Variants in NPTN observed in about 807,000 individuals in gnomAD.
The protein encoded by NPTN is SDR-1.
In NPTN, 5 loss-of-function variants were observed where a neutral mutation model predicts 42.7. The ratio of observed to expected loss-of-function variants is 0.12; its 90% CI spans 0.06 to 0.25. The LOEUF (loss-of-function observed/expected upper bound fraction) is 0.25, where lower values mean the gene tolerates loss of function less well. NPTN is among the 10% of genes least tolerant of loss of function. NPTN has a pLI of 1.00. For synonymous variants in NPTN, 180 were observed against 201.9 expected (o/e 0.89, Z 0.92); for missense variants, 307 against 525.4 (o/e 0.58, Z 4.06).
chr15:73,571,538 A>G (rs879332233), intron 5 of NPTN, among the ~76,000 whole-genome samples: 1 of 152,198 alleles, frequency 6.6e-6, no homozygotes, highest in Non-Finnish European at 1.5e-5. Context: ...AGCTTCACAC[A>G]TGAGCTAACA....
At chr15:73,582,156 A>C (rs1329332496) in intron 4 of NPTN, among the ~76,000 whole-genome samples, 1 of 152,140 alleles carries the variant, frequency 6.6e-6, no homozygotes, top group Non-Finnish European at 1.5e-5. Flanking sequence ...TCACTTTTTA[A>C]AGCATGTTCA....
intron 1 of NPTN, among the ~76,000 whole-genome samples, chr15:73,627,777 T>C (rs1314137132): frequency 6.6e-6 from 1 of 152,350 alleles, no homozygotes; most frequent in East Asian, 1.9e-4. Flanking sequence ...CTAAACTGAA[T>C]AGATCCTTAA....
At chr15:73,581,117 T>A (rs1445183621) in intron 4 of NPTN, among the ~76,000 whole-genome samples, 1 of 152,214 alleles carries the variant, frequency 6.6e-6, no homozygotes, top group African/African-American at 2.4e-5. Context: ...GATTACTATG[T>A]GCTCTCCCCA....
At chr15:73,612,515 C>A (rs991100668) in intron 1 of NPTN, among the ~76,000 whole-genome samples, 3 of 151,890 alleles carry the variant, frequency 2.0e-5, no homozygotes, top group African/African-American at 7.3e-5. Flanking sequence ...TGCCTATAAT[C>A]CCAGCACTTT....
intron 2 of NPTN, among the ~76,000 whole-genome samples, chr15:73,595,484 T>C (rs1203424392): frequency 6.6e-6 from 1 of 152,220 alleles, no homozygotes; most frequent in Non-Finnish European, 1.5e-5. Flanking sequence ...AAGGACTCTT[T>C]TTTTACCCAT....
intron 6 of NPTN, chr15:73,567,505 C>T (rs1349519207): frequency 5.1e-5 from 50 of 985,332 alleles, no homozygotes; most frequent in Non-Finnish European, 5.9e-5. Context: ...GGGAGAAGCA[C>T]ATGGGAAGGA....
chr15:73,567,966 G>T, intron 6 of NPTN: 1 of 985,440 alleles, frequency 1.0e-6, no homozygotes, highest in Non-Finnish European at 1.2e-6. Flanking sequence ...TCTCTTTTAA[G>T]GGTAGGATTC....
chr15:73,626,453 C>G (rs1898415088), intron 1 of NPTN, among the ~76,000 whole-genome samples: 1 of 152,184 alleles, frequency 6.6e-6, no homozygotes, highest in Non-Finnish European at 1.5e-5. Context: ...ATCTCTGAGC[C>G]TTTAACCTAT....
rs1012816794 is a variant in NPTN at position 73,570,807 on chromosome 15, CCTCT to C, written c.841-388_841-385del. Among the ~76,000 whole-genome samples, 1 of 152,176 alleles carries C rather than the reference CCTCT, an allele frequency of 6.6e-6. No individual in the cohort carries two copies. Among genetic ancestry groups the C allele is most frequent in the African/African-American group, 2.4e-5 (1 of 41,442 alleles). ...TCAGGCATGCCTCGGGGACCTCAGG[CCTCT>C]CTGATGACCTCAGAGTCAGCACACT... is the stretch of plus-strand genomic sequence containing the variant. On this transcript the variant is annotated intron_variant, in intron 5 of 8. Transcript: ENST00000345330. The surrounding 1 kb of genome is among the most constrained non-coding windows in gnomAD (Gnocchi z 4.0).
intron 1 of NPTN, among the ~76,000 whole-genome samples, chr15:73,601,016 G>C (rs1037293535): frequency 1.8e-4 from 28 of 152,272 alleles, no homozygotes; most frequent in African/African-American, 6.3e-4. Flanking sequence ...AATTAATAAA[G>C]GGCAGCACCT....
Position 73,633,355 on chromosome 15 carries a change from C to G in NPTN, c.-140G>C, listed in dbSNP as rs570519227. 1.8e-6 allele frequency: 1 copy of G among 558,250 alleles called. No individual in the cohort carries two copies. Among genetic ancestry groups the G allele is most frequent in the Non-Finnish European group, 2.9e-6 (1 of 346,232 alleles). The allele number at this position is 558,250 out of a possible 1,614,324, so 34.6% of individuals were successfully genotyped here. Reference sequence around the variant, plus strand: ...AGCCGCGGCTCGGCTCCGTCCTTCCCCGTCCTCCTCCTGCCGCCGCAGCGC... The same window carrying G: ...AGCCGCGGCTCGGCTCCGTCCTTCCGCGTCCTCCTCCTGCCGCCGCAGCGC... On this transcript the variant is annotated 5_prime_UTR_variant, in exon 1 of 9. Coordinates refer to ENST00000345330, the MANE Select transcript of NPTN (RefSeq NM_012428.4).
At chr15:73,576,936 G>A (rs1039013466) in intron 4 of NPTN, among the ~76,000 whole-genome samples, 8 of 152,172 alleles carry the variant, frequency 5.3e-5, no homozygotes, top group East Asian at 3.8e-4. Flanking sequence ...GGGGACTGGA[G>A]AGAGAAAAAT....
At chr15:73,626,989 C>G (rs1345638869) in intron 1 of NPTN, among the ~76,000 whole-genome samples, 1 of 152,164 alleles carries the variant, frequency 6.6e-6, no homozygotes, top group East Asian at 1.9e-4. Flanking sequence ...AATCACAGCA[C>G]TTTGGGAGGC....
chr15:73,612,709 G>A (rs943611382), intron 1 of NPTN, among the ~76,000 whole-genome samples: 1 of 152,138 alleles, frequency 6.6e-6, no homozygotes, highest in African/African-American at 2.4e-5. Flanking sequence ...GGCGGAGCTT[G>A]CAGTGAGCAG....
At chr15:73,626,275 G>C (rs1013021430) in intron 1 of NPTN, among the ~76,000 whole-genome samples, 11 of 152,138 alleles carry the variant, frequency 7.2e-5, no homozygotes, top group African/African-American at 2.7e-4. Flanking sequence ...TTTAATATAA[G>C]ATCTCTGCAT....
chr15:73,605,115 A>G (rs1897241882), intron 1 of NPTN, among the ~76,000 whole-genome samples: 1 of 142,730 alleles, frequency 7.0e-6, no homozygotes, highest in Non-Finnish European at 1.5e-5. Context: ...GGGGGGGAAA[A>G]GAATGATCTA....
chr15:73,591,078 G>A (rs1037355023), intron 3 of NPTN, among the ~76,000 whole-genome samples: 2 of 152,170 alleles, frequency 1.3e-5, no homozygotes, highest in African/African-American at 4.8e-5. Context: ...TGGCCTTAAA[G>A]CAGCCAAGAG....
intron 4 of NPTN, 52 bp downstream of exon 4, chr15:73,587,472 T>C (rs1489684303): frequency 6.2e-6 from 8 of 1,297,612 alleles, no homozygotes; most frequent in Non-Finnish European, 7.8e-6. Context: ...ACCAAGGTAC[T>C]GTCTTGGAAG....
intron 1 of NPTN, among the ~76,000 whole-genome samples, chr15:73,601,743 AAG>A (rs1309508744): frequency 1.3e-5 from 2 of 152,228 alleles, no homozygotes; most frequent in East Asian, 1.9e-4. Flanking sequence ...CCAGATCTGC[AAG>A]AGTTTTGGGA....
Sources: gnomAD v4.1 joint callset for allele counts (sites outside exome capture counted in the v4.1 genomes callset) on GRCh38, gnomAD v4.1.1 for gene constraint, Gnocchi (gnomAD v3.1) non-coding constraint, MANE v1.5 for transcripts, NCBI Gene and HGNC (gene_info 2026-07-23, HGNC 2026-07-21) for gene names.